Variants in CSNK2A2IP observed in about 807,000 individuals in gnomAD.
CSNK2A2IP encodes casein kinase II subunit alpha'-interacting protein.
chr3:88,418,987 G>C, the CSNK2A2IP span, among the ~76,000 whole-genome samples: 7 of 152,190 alleles, frequency 4.6e-5, no homozygotes, highest in Admixed American at 4.6e-4. Context: ...ATTGTGAACT[G>C]TGCATGTAGG....
chr3:88,409,186 T>C, the CSNK2A2IP span, among the ~76,000 whole-genome samples: 23 of 152,206 alleles, frequency 1.5e-4, no homozygotes, highest in African/African-American at 5.3e-4. Context: ...AATTTTATTA[T>C]CACAATGGGT....
the CSNK2A2IP span, among the ~76,000 whole-genome samples, chr3:88,392,112 C>T: frequency 6.6e-6 from 1 of 152,134 alleles, no homozygotes; most frequent in Non-Finnish European, 1.5e-5. Context: ...TAGGAACATG[C>T]CCCAGATTTC....
At chr3:88,341,176 A>G in the CSNK2A2IP span, among the ~76,000 whole-genome samples, 1 of 151,880 alleles carries the variant, frequency 6.6e-6, no homozygotes, top group African/African-American at 2.4e-5. Flanking sequence ...TTAGGGTTTT[A>G]TTGCTATTCT....
chr3:88,465,762 C>T, the CSNK2A2IP span: 10 of 1,231,550 alleles, frequency 8.1e-6, no homozygotes, highest in South Asian at 2.1e-4. Flanking sequence ...CATCTGACCT[C>T]AACATGACAT....
At chr3:88,416,222 G>A in the CSNK2A2IP span, among the ~76,000 whole-genome samples, 9 of 149,992 alleles carry the variant, frequency 6.0e-5, no homozygotes, top group African/African-American at 2.2e-4. Flanking sequence ...GCAGTGAGCC[G>A]AGATCGGCCA....
chr3:88,441,044 T>G, the CSNK2A2IP span, among the ~76,000 whole-genome samples: 1 of 152,288 alleles, frequency 6.6e-6, no homozygotes, highest in African/African-American at 2.4e-5. Context: ...ATTAAAAGGA[T>G]AGTAGAATTT....
the CSNK2A2IP span, among the ~76,000 whole-genome samples, chr3:88,391,129 G>A: frequency 3.3e-5 from 5 of 152,134 alleles, no homozygotes; most frequent in East Asian, 9.6e-4. Context: ...TAAGTGAAGA[G>A]CCTATGTTTA....
the CSNK2A2IP span, among the ~76,000 whole-genome samples, chr3:88,358,322 A>T: frequency 6.6e-6 from 1 of 152,086 alleles, no homozygotes; most frequent in African/African-American, 2.4e-5. Flanking sequence ...GGTGCCCTTT[A>T]TTTCTTTCTC....
the CSNK2A2IP span, among the ~76,000 whole-genome samples, chr3:88,406,009 C>A: frequency 6.6e-6 from 1 of 151,838 alleles, no homozygotes; most frequent in Non-Finnish European, 1.5e-5. Context: ...TAGATAATCA[C>A]TAAGATTATC....
chr3:88,409,686 A>T, the CSNK2A2IP span, among the ~76,000 whole-genome samples: 1 of 152,048 alleles, frequency 6.6e-6, no homozygotes, highest in Non-Finnish European at 1.5e-5. Context: ...GTTGGATATG[A>T]TTTAAGAAGC....
At chr3:88,460,887 A>G in the CSNK2A2IP span, among the ~76,000 whole-genome samples, 13 of 152,218 alleles carry the variant, frequency 8.5e-5, no homozygotes, top group East Asian at 7.7e-4. Flanking sequence ...CAGGAGTTCA[A>G]GACCAACCTG....
chr3:88,353,344 G>C, the CSNK2A2IP span, among the ~76,000 whole-genome samples: 1 of 152,194 alleles, frequency 6.6e-6, no homozygotes, highest in Non-Finnish European at 1.5e-5. Context: ...TATTCACAAT[G>C]TTCTCATTTT....
At chr3:88,416,082 C>T in the CSNK2A2IP span, among the ~76,000 whole-genome samples, 1 of 151,606 alleles carries the variant, frequency 6.6e-6, no homozygotes, top group Non-Finnish European at 1.5e-5. Context: ...ACCATCCTGG[C>T]CAACATGGTG....
chr3:88,391,513 C>A, the CSNK2A2IP span, among the ~76,000 whole-genome samples: 1 of 151,936 alleles, frequency 6.6e-6, no homozygotes, highest in South Asian at 2.1e-4. Context: ...GTGTATATAC[C>A]AAGGCAAATC....
the CSNK2A2IP span, among the ~76,000 whole-genome samples, chr3:88,431,965 A>G: frequency 6.6e-6 from 1 of 152,128 alleles, no homozygotes; most frequent in Non-Finnish European, 1.5e-5. Flanking sequence ...TTTTCCCATG[A>G]TATAATGTTG....
the CSNK2A2IP span, among the ~76,000 whole-genome samples, chr3:88,382,207 C>T: frequency 6.6e-5 from 10 of 152,114 alleles, no homozygotes; most frequent in Non-Finnish European, 1.5e-4. Context: ...TCAGAGTTGC[C>T]TTTTTACAAA....
At chr3:88,377,821 G>A in the CSNK2A2IP span, among the ~76,000 whole-genome samples, 1 of 151,810 alleles carries the variant, frequency 6.6e-6, no homozygotes, top group African/African-American at 2.4e-5. Context: ...ACACAGAACT[G>A]CATTGGTCAT....
At chr3:88,436,183 C>A in the CSNK2A2IP span, among the ~76,000 whole-genome samples, 2 of 152,044 alleles carry the variant, frequency 1.3e-5, no homozygotes, top group Non-Finnish European at 2.9e-5. Flanking sequence ...ATTATAAACA[C>A]CTCATATAAT....
the CSNK2A2IP span, among the ~76,000 whole-genome samples, chr3:88,374,164 A>C: frequency 2.0e-5 from 3 of 151,732 alleles, no homozygotes; most frequent in African/African-American, 7.2e-5. Context: ...TCCTATTAAA[A>C]TAGTGCACAT....
Sources: gnomAD v4.1 joint callset for allele counts (sites outside exome capture counted in the v4.1 genomes callset) on GRCh38, gnomAD v4.1.1 for gene constraint, MANE v1.5 for transcripts, NCBI Gene and HGNC (gene_info 2026-07-23, HGNC 2026-07-21) for gene names.